RANBP2: variants seen among roughly 807,000 people sequenced by gnomAD.
RANBP2 encodes the protein RAN binding protein 2.
In RANBP2, 57 loss-of-function variants were observed where a neutral mutation model predicts 303.6. That is an observed-to-expected ratio of 0.19 (90% CI 0.15 to 0.23). The LOEUF is 0.23. RANBP2 is among the 10% of genes least tolerant of loss of function. RANBP2 has a pLI of 1.00. For synonymous variants in RANBP2, 1,167 were observed against 1,301.5 expected, an observed-to-expected ratio of 0.90 and a Z score of 2.23; for missense variants, 3,138 against 3,780.8, an observed-to-expected ratio of 0.83 and a Z score of 4.46.
At position 108,784,788 on chromosome 2, in the gene RANBP2, A is replaced by G. The variant is rs1678492089; in HGVS notation, c.*887A>G. ...TAGCAGAAATAAAATGACAATTCCTAAGAGCCACTGACATCCAAAAAATTC... is the reference window on the plus strand; with the variant it reads ...TAGCAGAAATAAAATGACAATTCCTGAGAGCCACTGACATCCAAAAAATTC... On this transcript the variant is annotated 3_prime_UTR_variant, in exon 29 of 29. Transcript: ENST00000283195. 1.3e-5 allele frequency: 2 copies of G among 152,502 alleles called. No homozygotes were observed. Among genetic ancestry groups the G allele is most frequent in the African/African-American group, 2.4e-5 (1 of 41,352 alleles). The allele number at this position is 152,502 out of a possible 1,614,324, so 9.4% of individuals were successfully genotyped here. A position where few individuals can be genotyped will look rare whatever the true frequency, so the allele number is the denominator to read the frequency against.
At chr2:108,753,675 C>T (rs1349602231) in intron 14 of RANBP2, 112 bp downstream of exon 14, 2 of 1,584,726 alleles carry the variant, frequency 1.3e-6, no homozygotes, top group Non-Finnish European at 1.7e-6. Flanking sequence ...AATCTTGGCT[C>T]ACTGCAACCT....
At chr2:109,715,843 A>T in the RANBP2 span, among the ~76,000 whole-genome samples, 1 of 152,210 alleles carries the variant, frequency 6.6e-6, no homozygotes, top group African/African-American at 2.4e-5. Flanking sequence ...GGAAACAGGG[A>T]GGAAGATGAA....
the RANBP2 span, among the ~76,000 whole-genome samples, chr2:109,327,326 A>G: frequency 2.0e-5 from 3 of 152,342 alleles, no homozygotes; most frequent in South Asian, 2.1e-4. Flanking sequence ...GGTAAATCAC[A>G]TCATCTGCAC....
At chr2:109,436,902 A>C in the RANBP2 span, 3 of 1,613,322 alleles carry the variant, frequency 1.9e-6, no homozygotes, top group Non-Finnish European at 2.5e-6. Flanking sequence ...GGGTGCCTGC[A>C]GGAGGGGCAG....
the RANBP2 span, among the ~76,000 whole-genome samples, chr2:109,517,190 C>T: frequency 6.6e-6 from 1 of 152,162 alleles, no homozygotes; most frequent in Non-Finnish European, 1.5e-5. Context: ...ACACAGAGGT[C>T]CCGCCCAGCC....
chr2:108,793,757 C>T, the RANBP2 span, among the ~76,000 whole-genome samples: 6 of 151,866 alleles, frequency 4.0e-5, no homozygotes, highest in Non-Finnish European at 5.9e-5. Flanking sequence ...CCATCACGCC[C>T]GGCTAATTTT....
chr2:109,298,354 C>A, the RANBP2 span, among the ~76,000 whole-genome samples: 1 of 152,068 alleles, frequency 6.6e-6, no homozygotes, highest in Non-Finnish European at 1.5e-5. Flanking sequence ...AGTTCTGGAG[C>A]CTGGTTCAGT....
chr2:109,290,694 A>G, the RANBP2 span, among the ~76,000 whole-genome samples: 1 of 152,132 alleles, frequency 6.6e-6, no homozygotes, highest in African/African-American at 2.4e-5. Context: ...GCAGACCCAG[A>G]CCTGACTGCT....
chr2:109,504,982 T>C, the RANBP2 span, among the ~76,000 whole-genome samples: 2 of 152,328 alleles, frequency 1.3e-5, no homozygotes, highest in African/African-American at 4.8e-5. Flanking sequence ...TGGCTTGCTG[T>C]AGATGACTCG....
the RANBP2 span, among the ~76,000 whole-genome samples, chr2:109,658,444 CA>C: frequency 6.9e-5 from 10 of 144,818 alleles, 1 homozygote; most frequent in South Asian, 2.2e-4. Context: ...GACTCCATCT[CA>C]AAAAAAAAAG....
the RANBP2 span, among the ~76,000 whole-genome samples, chr2:109,448,104 A>G: frequency 6.6e-6 from 1 of 152,162 alleles, no homozygotes; most frequent in Non-Finnish European, 1.5e-5. Flanking sequence ...CAGTGTGGAA[A>G]CCAAGGACCA....
At chr2:109,009,272 A>G in the RANBP2 span, among the ~76,000 whole-genome samples, 1 of 151,446 alleles carries the variant, frequency 6.6e-6, no homozygotes, top group Non-Finnish European at 1.5e-5. Flanking sequence ...CCCAGGAGGC[A>G]GAGCTTGTAG....
At chr2:108,776,738 T>C (rs991629150) in intron 24 of RANBP2, among the ~76,000 whole-genome samples, 5 of 152,184 alleles carry the variant, frequency 3.3e-5, no homozygotes, top group African/African-American at 9.6e-5. Flanking sequence ...TATGAGCTTA[T>C]TTATAGTACA....
At chr2:109,363,959 CTTGT>C in the RANBP2 span, among the ~76,000 whole-genome samples, 2 of 152,088 alleles carry the variant, frequency 1.3e-5, no homozygotes, top group African/African-American at 4.8e-5. Context: ...ATCTATCCTG[CTTGT>C]TGTTCTCTGA....
chr2:109,438,180 C>T, the RANBP2 span, among the ~76,000 whole-genome samples: 1 of 152,212 alleles, frequency 6.6e-6, no homozygotes, highest in African/African-American at 2.4e-5. Flanking sequence ...ATATTTCCTT[C>T]CTTATCTTAG....
chr2:108,943,169 G>A, the RANBP2 span, among the ~76,000 whole-genome samples: 1 of 152,268 alleles, frequency 6.6e-6, no homozygotes, highest in South Asian at 2.1e-4. Context: ...CGGTTTGAAA[G>A]AGAATTCGTT....
At chr2:109,409,029 G>A in the RANBP2 span, among the ~76,000 whole-genome samples, 1 of 152,222 alleles carries the variant, frequency 6.6e-6, no homozygotes, top group Non-Finnish European at 1.5e-5. Flanking sequence ...CGAGAAAGGG[G>A]TCCTATAACT....
chr2:109,347,842 A>C, the RANBP2 span: 1 of 1,613,876 alleles, frequency 6.2e-7, no homozygotes, highest in Non-Finnish European at 8.5e-7. Flanking sequence ...AGCCAGCTAT[A>C]TCCAGTGCAT....
At chr2:109,423,062 C>G in the RANBP2 span, among the ~76,000 whole-genome samples, 2 of 152,192 alleles carry the variant, frequency 1.3e-5, no homozygotes, top group African/African-American at 2.4e-5. Flanking sequence ...GAGAAGGAAA[C>G]TTCCACAGTC....
Sources: gnomAD v4.1 joint callset for allele counts (sites outside exome capture counted in the v4.1 genomes callset) on GRCh38, gnomAD v4.1.1 for gene constraint, MANE v1.5 for transcripts, NCBI Gene and HGNC (gene_info 2026-07-23, HGNC 2026-07-21) for gene names.